The following PDS5A variants were observed in gnomAD, a reference collection of about 807,000 sequenced individuals.
The protein encoded by PDS5A is PDS5 cohesin associated factor A.
A neutral mutation model predicts 167.1 loss-of-function variants in PDS5A; 42 were observed. The ratio of observed to expected loss-of-function variants is 0.25; its 90% CI spans 0.20 to 0.33. PDS5A has a LOEUF of 0.33. Ranked by LOEUF, PDS5A falls within the 10% of genes least tolerant of loss-of-function variation. The pLI is 1.00. For synonymous variants in PDS5A, 553 were observed against 554.6 expected (o/e 1.00, Z 0.04); for missense variants, 1,033 against 1,605.9 (o/e 0.64, Z 6.10).
chr4:39,908,786 G>A, intron 10 of PDS5A: 1 of 421,240 alleles, frequency 2.4e-6, no homozygotes, highest in South Asian at 3.3e-5. Flanking sequence ...CACTTTGGGA[G>A]GCTGAGGCAG....
intron 4 of PDS5A, among the ~76,000 whole-genome samples, chr4:39,926,264 G>A (rs368798447): frequency 1.2e-4 from 19 of 152,204 alleles, no homozygotes; most frequent in African/African-American, 4.3e-4. Context: ...GCTCACGCCT[G>A]TAATCCCAGC....
At chr4:39,885,199 C>T (rs994484472) in intron 17 of PDS5A, among the ~76,000 whole-genome samples, 7 of 140,522 alleles carry the variant, frequency 5.0e-5, no homozygotes, top group Non-Finnish European at 9.1e-5. Context: ...GAGCTGAGAT[C>T]GTGACACTGC....
intron 5 of PDS5A, among the ~76,000 whole-genome samples, chr4:39,925,592 T>A (rs1725386348): frequency 6.6e-6 from 1 of 152,182 alleles, no homozygotes; most frequent in South Asian, 2.1e-4. Context: ...GTCCATGGCC[T>A]CCAGGACAGC....
intron 32 of PDS5A, among the ~76,000 whole-genome samples, chr4:39,828,617 A>AG (rs1211327744): frequency 2.7e-4 from 41 of 152,238 alleles, no homozygotes; most frequent in Non-Finnish European, 3.5e-4. Flanking sequence ...TAGTTGGCAT[A>AG]TACTAGGGCC....
At chr4:39,837,553 C>A in intron 32 of PDS5A, 1 of 278,492 alleles carries the variant, frequency 3.6e-6, no homozygotes, top group South Asian at 7.3e-5. Context: ...TTATGTAAAC[C>A]TCTGCAACCA....
At chr4:39,885,154 TCGGGAGGCCGAACC>T (rs956750340) in intron 17 of PDS5A, among the ~76,000 whole-genome samples, 3 of 146,922 alleles carry the variant, frequency 2.0e-5, no homozygotes, top group Non-Finnish European at 4.5e-5. Flanking sequence ...ATACAGCTAC[TCGGGAGGCCGAACC>T]CGGGAGGCAG....
intron 31 of PDS5A, among the ~76,000 whole-genome samples, chr4:39,840,327 G>T (rs746719367): frequency 1.3e-5 from 2 of 152,126 alleles, no homozygotes; most frequent in Non-Finnish European, 2.9e-5. Flanking sequence ...AAACAAAATT[G>T]GGCGGTATCG....
intron 29 of PDS5A, among the ~76,000 whole-genome samples, chr4:39,845,527 T>C (rs1717518458): frequency 6.6e-6 from 1 of 152,192 alleles, no homozygotes; most frequent in Non-Finnish European, 1.5e-5. Flanking sequence ...ATTATTTCTT[T>C]TATCTTATAT....
At chr4:39,928,550 C>T (rs1233961361) in intron 2 of PDS5A, among the ~76,000 whole-genome samples, 3 of 152,030 alleles carry the variant, frequency 2.0e-5, no homozygotes, top group Admixed American at 6.6e-5. Context: ...TTAAAGGAGC[C>T]TTCTTCAGGC....
chr4:39,948,728 A>G (rs924531735), intron 2 of PDS5A, among the ~76,000 whole-genome samples: 2 of 149,526 alleles, frequency 1.3e-5, no homozygotes, highest in African/African-American at 4.9e-5. Context: ...GGCTTCAAGC[A>G]ATTTTCCTGC....
intron 31 of PDS5A, among the ~76,000 whole-genome samples, chr4:39,839,763 G>C (rs919550130): frequency 8.3e-5 from 12 of 145,060 alleles, no homozygotes; most frequent in African/African-American, 1.5e-4. Context: ...CTGGGGGGGG[G>C]GGGCAGGGGA....
In PDS5A at chr4:39,973,651, G is replaced by A. The variant is rs577132751; in HGVS notation, c.138+2789C>T. On this transcript the variant is annotated intron_variant, in intron 2 of 32. Transcript: ENST00000303538. Reference sequence around the variant, plus strand: ...AGTTACAGAAATGAACGGTAGAACTGTGGCCACAAAACCATCGTATGTAGC... The same window carrying A: ...AGTTACAGAAATGAACGGTAGAACTATGGCCACAAAACCATCGTATGTAGC... The A allele has an allele frequency of 1.2e-4, 157 of 1,314,868 alleles. No homozygotes were observed. In the African/African-American group the frequency reaches 2.0e-3, roughly 17 times the overall value. 81.5% of individuals were successfully genotyped at this position (1,314,868 alleles called of 1,614,324 possible). A position where few individuals can be genotyped will look rare whatever the true frequency, so the allele number is the denominator to read the frequency against.
rs1723591921 is a variant in PDS5A, at chr4:39,908,546, AT to A, written c.1088-7del. The A allele has an allele frequency of 6.6e-7, 1 of 1,524,628 alleles. No individual in the cohort carries two copies. Among genetic ancestry groups the A allele is most frequent in the Admixed American group, 1.9e-5 (1 of 53,652 alleles). The allele number at this position is 1,524,628 out of a possible 1,614,324, so 94.4% of individuals were successfully genotyped here. On this transcript the variant is annotated splice_region_variant and splice_polypyrimidine_tract_variant and intron_variant, in intron 10 of 32. Coordinates refer to ENST00000303538, the MANE Select transcript of PDS5A (RefSeq NM_001100399.2). ...TGATCTAACCTTTAAATATTCTGTA[AT>A]AAGAGAAAAAAAACTTAGGCTAAAT...
intron 2 of PDS5A, among the ~76,000 whole-genome samples, chr4:39,928,501 T>C (rs1287981893): frequency 2.0e-5 from 3 of 152,208 alleles, no homozygotes; most frequent in Non-Finnish European, 4.4e-5. Context: ...ATTTGATATT[T>C]GGCAACATCA....
intron 2 of PDS5A, among the ~76,000 whole-genome samples, chr4:39,932,163 G>C (rs1309493024): frequency 2.0e-5 from 3 of 152,154 alleles, no homozygotes; most frequent in Non-Finnish European, 4.4e-5. Flanking sequence ...CAAATGCTGG[G>C]ATTACAGGCA....
At chr4:39,877,293 C>T (rs1468323350) in intron 18 of PDS5A, 140 bp from the exon 19 acceptor site, 8 of 469,302 alleles carry the variant, frequency 1.7e-5, no homozygotes, top group Middle Eastern at 1.1e-3. Flanking sequence ...CATCTCCTAG[C>T]CGTCCTTGCA....
intron 16 of PDS5A, among the ~76,000 whole-genome samples, chr4:39,895,199 CAAAAAAAAAAAAAA>C (rs34303340): frequency 1.1e-5 from 1 of 93,428 alleles, no homozygotes; most frequent in East Asian, 2.9e-4. Flanking sequence ...GACTCCGTCT[CAAAAAAAAAAAAAA>C]AAAAAAAAAG....
At chr4:39,929,518 A>ACTCTCTCTCTCT (rs1478539709) in intron 2 of PDS5A, among the ~76,000 whole-genome samples, 12 of 22,766 alleles carry the variant, frequency 5.3e-4, no homozygotes, top group African/African-American at 2.2e-3. Context: ...TACTTAATAA[A>ACTCTCTCTCTCT]CTATATATAT....
chr4:39,954,381 C>T (rs887180996), intron 2 of PDS5A, among the ~76,000 whole-genome samples: 5 of 151,812 alleles, frequency 3.3e-5, no homozygotes, highest in Middle Eastern at 3.4e-3. Flanking sequence ...AAACATGCCA[C>T]GATCTCAGCT....
Sources: allele counts gnomAD v4.1 joint callset (sites outside exome capture counted in the v4.1 genomes callset), GRCh38; gene constraint gnomAD v4.1.1; transcripts MANE v1.5; gene names NCBI Gene and HGNC (gene_info 2026-07-23, HGNC 2026-07-21).